The following PDSS2 variants were observed in gnomAD, a reference collection of about 807,000 sequenced individuals.
PDSS2 encodes all trans-polyprenyl-diphosphate synthase PDSS2.
A neutral mutation model predicts 44.5 loss-of-function variants in PDSS2; 31 were observed. That is an observed-to-expected ratio of 0.70 (90% CI 0.52 to 0.94). PDSS2 has a LOEUF of 0.94. Among genes scored for constraint, PDSS2 ranks in the 40% least tolerant of loss-of-function variants. The probability of loss-of-function intolerance (pLI) is 0.00; values close to 1 mark genes in which losing one functional copy is unlikely to be tolerated. For missense variants in PDSS2, 452 were observed against 482.2 expected (o/e 0.94, Z 0.59); for synonymous variants, 157 against 180.3 (o/e 0.87, Z 1.03).
chr6:107,231,877 G>A lies in PDSS2; in HGVS notation c.702+13671C>T, dbSNP rs140998017. ...TTCAGGAGGCTGAGGTATGAGCATC[G>A]CTTGAACCCGGGAGGTGGAGGTTGC... On this transcript the variant is annotated intron_variant, in intron 4 of 7. Coordinates refer to ENST00000369037, the MANE Select transcript of PDSS2 (RefSeq NM_020381.4). 5.7e-3 allele frequency among the ~76,000 whole-genome samples: 871 copies of A among 151,770 alleles called. 8 individuals are homozygous for A. The highest frequency in any genetic ancestry group is 0.02 in the African/African-American group (819 of 41,338).
At chr6:107,383,172 G>A (rs564863115) in intron 1 of PDSS2, among the ~76,000 whole-genome samples, 1 of 151,196 alleles carries the variant, frequency 6.6e-6, no homozygotes, top group South Asian at 2.1e-4. Context: ...GGTGGTGTGC[G>A]CCTGTAATCC....
intron 3 of PDSS2, among the ~76,000 whole-genome samples, chr6:107,253,272 C>T (rs1000561526): frequency 3.3e-5 from 5 of 152,146 alleles, no homozygotes; most frequent in Non-Finnish European, 7.4e-5. Flanking sequence ...CTCCTGATCT[C>T]ATGATCCGCC....
chr6:107,159,419 C>CT (rs143684110), intron 7 of PDSS2, among the ~76,000 whole-genome samples: 37,263 of 123,956 alleles, frequency 0.3, 7,494 homozygotes, highest in African/African-American at 0.54. Flanking sequence ...TCTTTCTTTT[C>CT]TTTTTTTTTT....
At chr6:107,280,130 G>T (rs1775912995) in intron 2 of PDSS2, among the ~76,000 whole-genome samples, 1 of 152,040 alleles carries the variant, frequency 6.6e-6, no homozygotes, top group Admixed American at 6.6e-5. Context: ...CGTGATCTCG[G>T]CTCACTGCAA....
intron 1 of PDSS2, among the ~76,000 whole-genome samples, chr6:107,456,690 C>T (rs1782053990): frequency 6.6e-6 from 1 of 152,144 alleles, no homozygotes; most frequent in African/African-American, 2.4e-5. Flanking sequence ...TACAGATGTG[C>T]ATCCCCACGC....
intron 2 of PDSS2, among the ~76,000 whole-genome samples, chr6:107,302,414 C>T (rs1206137477): frequency 6.7e-6 from 1 of 150,310 alleles, no homozygotes; most frequent in Non-Finnish European, 1.5e-5. Flanking sequence ...GCTGGGACCA[C>T]GGGTGCATGC....
At chr6:107,251,952 G>A (rs58385164) in intron 3 of PDSS2, among the ~76,000 whole-genome samples, 1,991 of 152,284 alleles carry the variant, frequency 0.013, 54 homozygotes, top group African/African-American at 0.046. Flanking sequence ...CAATAATAAT[G>A]TCTAACATTT....
intron 1 of PDSS2, among the ~76,000 whole-genome samples, chr6:107,412,591 T>C (rs1454134258): frequency 6.6e-6 from 1 of 152,186 alleles, no homozygotes; most frequent in Non-Finnish European, 1.5e-5. Context: ...ACTTTCCTTC[T>C]CTCCATTTAT....
At chr6:107,231,261 G>C (rs1774040379) in intron 4 of PDSS2, among the ~76,000 whole-genome samples, 1 of 152,058 alleles carries the variant, frequency 6.6e-6, no homozygotes, top group South Asian at 2.1e-4. Context: ...TGTTTTGGAG[G>C]GGCTTAGCAT....
chr6:107,356,120 T>C (rs972823686), intron 1 of PDSS2, among the ~76,000 whole-genome samples: 1 of 152,220 alleles, frequency 6.6e-6, no homozygotes, highest in African/African-American at 2.4e-5. Context: ...GACTGAGGTA[T>C]GAAAAAACTT....
intron 2 of PDSS2, among the ~76,000 whole-genome samples, chr6:107,275,090 T>C (rs183825325): frequency 2.0e-5 from 3 of 152,312 alleles, no homozygotes; most frequent in East Asian, 3.9e-4. Flanking sequence ...GAGAAACCTA[T>C]AGTAGCAAAT....
chr6:107,447,978 T>A (rs1026132357), intron 1 of PDSS2, among the ~76,000 whole-genome samples: 1 of 152,254 alleles, frequency 6.6e-6, no homozygotes, highest in African/African-American at 2.4e-5. Flanking sequence ...CTGCCAAGGC[T>A]TGGGGCTTGC....
At chr6:107,208,799 G>A (rs1226295768) in intron 6 of PDSS2, among the ~76,000 whole-genome samples, 9 of 151,942 alleles carry the variant, frequency 5.9e-5, no homozygotes, top group African/African-American at 1.5e-4. Context: ...GACCTCAGGC[G>A]ATCCACTTGC....
chr6:107,413,578 C>T (rs1466840392), intron 1 of PDSS2, among the ~76,000 whole-genome samples: 1 of 152,112 alleles, frequency 6.6e-6, no homozygotes, highest in African/African-American at 2.4e-5. Flanking sequence ...GATTCTCCTG[C>T]CTCAGCCTCC....
At chr6:107,236,189 A>C (rs1321109822) in intron 4 of PDSS2, among the ~76,000 whole-genome samples, 1 of 152,230 alleles carries the variant, frequency 6.6e-6, no homozygotes, top group Non-Finnish European at 1.5e-5. Context: ...TTCCTGTTGA[A>C]AATAATAAAA....
chr6:107,232,817 C>T (rs550041645), intron 4 of PDSS2, among the ~76,000 whole-genome samples: 2 of 151,972 alleles, frequency 1.3e-5, no homozygotes, highest in Non-Finnish European at 2.9e-5. Context: ...TTTCCTGATC[C>T]CAACAAACTT....
intron 1 of PDSS2, among the ~76,000 whole-genome samples, chr6:107,455,505 C>T (rs544862325): frequency 4.1e-4 from 63 of 151,846 alleles, no homozygotes; most frequent in Non-Finnish European, 8.2e-4. Context: ...CCTGTAATTC[C>T]AATACGTTGG....
chr6:107,228,118 G>T (rs1030118774), intron 4 of PDSS2, among the ~76,000 whole-genome samples: 5 of 152,104 alleles, frequency 3.3e-5, no homozygotes, highest in African/African-American at 9.7e-5. Flanking sequence ...TGTGATAGTT[G>T]TAAGTAACCT....
intron 1 of PDSS2, among the ~76,000 whole-genome samples, chr6:107,442,940 ATTGT>A (rs1350202662): frequency 3.3e-5 from 5 of 152,094 alleles, no homozygotes; most frequent in African/African-American, 4.8e-5. Flanking sequence ...TTGCCACTCT[ATTGT>A]TTATGTCTTC....
Sources: gnomAD v4.1 joint callset for allele counts (sites outside exome capture counted in the v4.1 genomes callset) on GRCh38, gnomAD v4.1.1 for gene constraint, MANE v1.5 for transcripts, NCBI Gene and HGNC (gene_info 2026-07-23, HGNC 2026-07-21) for gene names.